The following RBPMS variants were observed in gnomAD, a reference collection of about 807,000 sequenced individuals.
RBPMS encodes the protein RNA binding protein, mRNA processing factor, also known as RNA-binding protein with multiple splicing.
In RBPMS, 7 loss-of-function variants were observed where a neutral mutation model predicts 26.8. The observed-to-expected ratio is 0.26, with a 90% CI of 0.15 to 0.49. The LOEUF (loss-of-function observed/expected upper bound fraction) is 0.49. Among genes scored for constraint, RBPMS ranks in the 20% least tolerant of loss-of-function variants. The pLI is 0.98. For synonymous variants in RBPMS, 96 were observed against 93.3 expected (o/e 1.03, Z -0.17); for missense variants, 186 against 250.0 (o/e 0.74, Z 1.73).
chr8:30,463,183 C>G (rs183792609), intron 1 of RBPMS, among the ~76,000 whole-genome samples: 58 of 152,284 alleles, frequency 3.8e-4, no homozygotes, highest in African/African-American at 1.2e-3. Context: ...TACTATGAAC[C>G]AAGCATTGAA....
Position 30,388,171 on chromosome 8 carries a change from C to CA in RBPMS, c.66+3017dup, listed in dbSNP as rs573020770. ...TGTCCTGTAAAGACTAACCAGTTGT[C>CA]AAAATCTCACTGAGATTTTTAAGGT... On this transcript the variant is annotated intron_variant, in intron 1 of 8. Coordinates refer to ENST00000397323, the MANE Select transcript of RBPMS (RefSeq NM_001008710.3). Among the ~76,000 whole-genome samples, 113 of 152,068 alleles carry CA rather than the reference C, an allele frequency of 7.4e-4. 1 individual carries two copies. The East Asian group carries it at 0.02, about 27-fold the overall frequency.
intron 1 of RBPMS, among the ~76,000 whole-genome samples, chr8:30,419,490 A>T (rs1005029781): frequency 3.9e-5 from 3 of 77,858 alleles, no homozygotes; most frequent in Admixed American, 2.6e-4. Context: ...GTGTCAGCAT[A>T]GGAAAGTAGT....
rs113721627 is a variant in RBPMS at position 30,451,127 on chromosome 8, G to T, written c.67-23652G>T. Reference sequence around the variant, plus strand: ...GAGGGTTCTGGATTATAACAAGTGTGTCCTTTTTTGTAACTGGCTCTGTAG... The same window carrying T: ...GAGGGTTCTGGATTATAACAAGTGTTTCCTTTTTTGTAACTGGCTCTGTAG... On this transcript the variant is annotated intron_variant, in intron 1 of 8. Coordinates refer to ENST00000397323, the MANE Select transcript of RBPMS (RefSeq NM_001008710.3). 4.1e-3 allele frequency among the ~76,000 whole-genome samples: 631 copies of T among 152,250 alleles called. 3 individuals are homozygous for T. Among genetic ancestry groups the T allele is most frequent in the African/African-American group, 0.014 (589 of 41,546 alleles).
chr8:30,513,243 C>T (rs557768119), intron 5 of RBPMS, among the ~76,000 whole-genome samples: 1 of 152,050 alleles, frequency 6.6e-6, no homozygotes, highest in Non-Finnish European at 1.5e-5. Context: ...AGAGCCACAG[C>T]ACCCAGCTGA....
intron 4 of RBPMS, among the ~76,000 whole-genome samples, chr8:30,502,831 T>G (rs895939577): frequency 6.6e-6 from 1 of 152,230 alleles, no homozygotes; most frequent in African/African-American, 2.4e-5. Context: ...CCTTATATAC[T>G]TTTTCTTCAA....
intron 5 of RBPMS, among the ~76,000 whole-genome samples, chr8:30,515,197 C>T (rs1822177506): frequency 6.6e-6 from 1 of 152,004 alleles, no homozygotes; most frequent in Non-Finnish European, 1.5e-5. Flanking sequence ...GTATCAAGCT[C>T]CTGGTGTCAA....
At chr8:30,446,523 C>T (rs556219849) in intron 1 of RBPMS, among the ~76,000 whole-genome samples, 5 of 152,228 alleles carry the variant, frequency 3.3e-5, no homozygotes, top group Admixed American at 6.5e-5. Context: ...TGTGCATGCA[C>T]GTGGATGCAG....
chr8:30,412,690 T>C (rs1488407459), intron 1 of RBPMS, among the ~76,000 whole-genome samples: 2 of 152,206 alleles, frequency 1.3e-5, no homozygotes, highest in Non-Finnish European at 2.9e-5. Flanking sequence ...AAGTGCTGTA[T>C]TGAGGAGGAG....
Position 30,455,012 on chromosome 8 carries a change from G to A in RBPMS, c.67-19767G>A, listed in dbSNP as rs575421968. 1.8e-4 allele frequency among the ~76,000 whole-genome samples: 27 copies of A among 152,256 alleles called. 1 individual carries two copies. The highest frequency in any genetic ancestry group is 1.3e-3 in the Admixed American group (20 of 15,296). On this transcript the variant is annotated intron_variant, in intron 1 of 8. Transcript: ENST00000397323. ...TAATTTTTGTATTTTTAGAAGAGAC[G>A]GGGTTTCGCCATGTTGGCCAGGCTG...
chr8:30,529,329 A>G (rs551479119), intron 5 of RBPMS, among the ~76,000 whole-genome samples: 2 of 151,790 alleles, frequency 1.3e-5, no homozygotes, highest in East Asian at 1.9e-4. Flanking sequence ...CATCACCACT[A>G]TCTATTTCCA....
In RBPMS at chr8:30,568,495, T is replaced by TTGTG. The variant is rs543519458; in HGVS notation, c.*111+2137_*112-2137dup. On this transcript the variant is annotated intron_variant, in intron 8 of 8. Transcript: ENST00000397323. The stretch of plus-strand genomic sequence containing the variant: ...AGACCCAAAATGCAGTGTTTTAGAA[T>TTGTG]TGTGTAATATTCCTTAAGAGACCAA... Among the ~76,000 whole-genome samples, 201 of 152,308 alleles carry TTGTG rather than the reference T, an allele frequency of 1.3e-3. 3 individuals are homozygous for TTGTG. Among genetic ancestry groups the TTGTG allele is most frequent in the South Asian group, 0.012 (59 of 4,818 alleles).
At chr8:30,504,709 G>C (rs1820912686) in intron 5 of RBPMS, among the ~76,000 whole-genome samples, 1 of 152,184 alleles carries the variant, frequency 6.6e-6, no homozygotes, top group African/African-American at 2.4e-5. Context: ...TGACCATCAT[G>C]AGTATGCCCC....
intron 7 of RBPMS, 103 bp downstream of exon 7, chr8:30,559,059 C>A (rs1488582696): frequency 8.0e-6 from 7 of 870,368 alleles, no homozygotes; most frequent in Non-Finnish European, 1.3e-5. Flanking sequence ...TGCACCCACA[C>A]CTTATGCACC....
chr8:30,448,604 A>G (rs1404755178), intron 1 of RBPMS, among the ~76,000 whole-genome samples: 9 of 152,202 alleles, frequency 5.9e-5, no homozygotes, highest in Non-Finnish European at 1.3e-4. Flanking sequence ...AAACTAGAAA[A>G]AGTATACAGA....
chr8:30,511,660 T>C (rs1055399930), intron 5 of RBPMS, among the ~76,000 whole-genome samples: 17 of 150,528 alleles, frequency 1.1e-4, no homozygotes, highest in Non-Finnish European at 1.8e-4. Context: ...CATATATATA[T>C]ACACACAAAA....
intron 1 of RBPMS, among the ~76,000 whole-genome samples, chr8:30,415,500 T>A (rs1230539447): frequency 6.6e-6 from 1 of 152,368 alleles, no homozygotes; most frequent in Admixed American, 6.5e-5. Context: ...GCAGACCCTA[T>A]GCTTCAGTCA....
At position 30,474,857 on chromosome 8, in the gene RBPMS, G is replaced by T; in HGVS notation, c.144+1G>T. On this transcript the variant is annotated splice_donor_variant, in intron 2 of 8. Transcript: ENST00000397323. LOFTEE classifies it high-confidence loss of function. ...CTATCTGCTTTTCAGACCATTTAAG[G>T]TACCTTTTTTTATCTTTCAGAAATT... 6.3e-7 allele frequency: 1 copy of T among 1,591,090 alleles called. No homozygotes were observed. The highest frequency in any genetic ancestry group is 8.6e-7 in the Non-Finnish European group (1 of 1,160,404).
At chr8:30,433,173 A>C (rs752795512) in intron 1 of RBPMS, among the ~76,000 whole-genome samples, 1 of 152,224 alleles carries the variant, frequency 6.6e-6, no homozygotes, top group Non-Finnish European at 1.5e-5. Flanking sequence ...CCAAACGTGA[A>C]CTTTCAAAGA....
At chr8:30,474,961 GT>G in intron 2 of RBPMS, 105 bp downstream of exon 2, 1 of 759,178 alleles carries the variant, frequency 1.3e-6, no homozygotes, top group Non-Finnish European at 2.3e-6. Flanking sequence ...GAAAACAGAT[GT>G]TTTTAAAAGG....
Sources: allele counts gnomAD v4.1 joint callset (sites outside exome capture counted in the v4.1 genomes callset), GRCh38; gene constraint gnomAD v4.1.1; transcripts MANE v1.5; gene names NCBI Gene and HGNC (gene_info 2026-07-23, HGNC 2026-07-21).